Variants in RASGRF1 observed in about 807,000 individuals in gnomAD.
RASGRF1 encodes Ras protein specific guanine nucleotide releasing factor 1.
In RASGRF1, 40 loss-of-function variants were observed where a neutral mutation model predicts 138.7. The ratio of observed to expected loss-of-function variants is 0.29; its 90% CI spans 0.22 to 0.38. The LOEUF (loss-of-function observed/expected upper bound fraction) is 0.38, where lower values mean the gene tolerates loss of function less well. Ranked by LOEUF, RASGRF1 falls within the 10% of genes least tolerant of loss-of-function variation. The pLI is 1.00. For missense variants in RASGRF1, 1,108 were observed against 1,650.4 expected, an observed-to-expected ratio of 0.67 and a Z score of 5.69; for synonymous variants, 614 against 663.2, an observed-to-expected ratio of 0.93 and a Z score of 1.14.
chr15:79,001,249 C>T (rs146685662), intron 16 of RASGRF1, among the ~76,000 whole-genome samples: 5 of 151,270 alleles, frequency 3.3e-5, no homozygotes, highest in African/African-American at 1.2e-4. Context: ...CCTTCTGAAC[C>T]AGGATCTTCC....
At chr15:79,044,420 T>C (rs1461315855) in intron 5 of RASGRF1, among the ~76,000 whole-genome samples, 1 of 152,226 alleles carries the variant, frequency 6.6e-6, no homozygotes, top group African/African-American at 2.4e-5. Flanking sequence ...TGCTGGATCA[T>C]TTGACCTGAT....
At chr15:78,978,885 C>A in intron 24 of RASGRF1, 1 of 1,230,168 alleles carries the variant, frequency 8.1e-7, no homozygotes, top group Non-Finnish European at 1.0e-6. Flanking sequence ...GCCACCTCTG[C>A]CCTGTGCTGC....
chr15:79,062,507 A>G (rs1238698974), intron 2 of RASGRF1, among the ~76,000 whole-genome samples: 1 of 152,174 alleles, frequency 6.6e-6, no homozygotes, highest in Non-Finnish European at 1.5e-5. Flanking sequence ...CCCATAGTCC[A>G]ACCTCATCTA....
At chr15:78,999,671 C>A in intron 17 of RASGRF1, 72 bp downstream of exon 17, 1 of 1,548,968 alleles carries the variant, frequency 6.5e-7, no homozygotes, top group Admixed American at 1.7e-5. Flanking sequence ...GTCCCCGGGA[C>A]CATGGCTGCT....
At chr15:79,029,370 C>T (rs1313607108) in intron 8 of RASGRF1, among the ~76,000 whole-genome samples, 2 of 152,162 alleles carry the variant, frequency 1.3e-5, no homozygotes, top group South Asian at 2.1e-4. Context: ...TGGGGTTTTG[C>T]GGGGGAAGCC....
chr15:79,058,630 G>A, intron 2 of RASGRF1, 149 bp from the exon 3 acceptor site: 2 of 1,098,002 alleles, frequency 1.8e-6, no homozygotes, highest in Non-Finnish European at 2.6e-6. Context: ...GAGAGGGCTT[G>A]GCAGGGTAGA....
In RASGRF1 at chr15:79,050,984, A is replaced by C. The variant is rs576519791; in HGVS notation, c.532-1396T>G. The stretch of plus-strand genomic sequence containing the variant: ...TAGCGCAAGGTTGGGCACTCAACAC[A>C]TTCTTGTTGTCTACACAAATAAGTG... On this transcript the variant is annotated intron_variant, in intron 3 of 26. Coordinates refer to ENST00000558480, the MANE Select transcript of RASGRF1 (RefSeq NM_001145648.3). The surrounding 1 kb of genome is among the most constrained non-coding windows in gnomAD (Gnocchi z 4.1). Among the ~76,000 whole-genome samples, 6 of 152,370 alleles carry C rather than the reference A, an allele frequency of 3.9e-5. No homozygotes were observed. Among genetic ancestry groups the C allele is most frequent in the African/African-American group, 1.4e-4 (6 of 41,594 alleles).
chr15:78,983,808 C>G (rs2056088137), intron 23 of RASGRF1, among the ~76,000 whole-genome samples: 1 of 152,244 alleles, frequency 6.6e-6, no homozygotes, highest in Admixed American at 6.5e-5. Flanking sequence ...TCTGCTCTTT[C>G]CTGGAGCCCA....
At chr15:79,085,805 TTTC>T (rs2057971388) in intron 1 of RASGRF1, among the ~76,000 whole-genome samples, 1 of 152,184 alleles carries the variant, frequency 6.6e-6, no homozygotes, top group African/African-American at 2.4e-5. Context: ...AAGATTAAGT[TTTC>T]TTCTTCTCTG....
At chr15:79,007,538 G>A (rs925027065) in intron 13 of RASGRF1, among the ~76,000 whole-genome samples, 9 of 121,040 alleles carry the variant, frequency 7.4e-5, no homozygotes, top group South Asian at 2.9e-4. Context: ...GCTGATGGCC[G>A]TATCTAGTTT....
intron 1 of RASGRF1, among the ~76,000 whole-genome samples, chr15:79,067,444 AT>A (rs1326620030): frequency 6.6e-6 from 1 of 152,284 alleles, no homozygotes; most frequent in Admixed American, 6.5e-5. Context: ...AGACACATTC[AT>A]TTGTCCAAGG....
At chr15:78,978,215 C>CTTTTTTTTT (rs2055915117) in intron 24 of RASGRF1, among the ~76,000 whole-genome samples, 12 of 79,336 alleles carry the variant, frequency 1.5e-4, no homozygotes, top group African/African-American at 6.1e-4. Flanking sequence ...TTTTTCTTTT[C>CTTTTTTTTT]TTTTGTTTTT....
intron 24 of RASGRF1, among the ~76,000 whole-genome samples, chr15:78,975,968 C>G (rs548519838): frequency 8.5e-5 from 13 of 152,170 alleles, no homozygotes; most frequent in Admixed American, 2.0e-4. Context: ...TGCTCTCCCC[C>G]TTCACCCTGC....
chr15:78,967,241 T>TCAAA (rs1030127222), intron 26 of RASGRF1, among the ~76,000 whole-genome samples: 3 of 151,952 alleles, frequency 2.0e-5, no homozygotes, highest in African/African-American at 4.8e-5. Flanking sequence ...AGACCCTGCC[T>TCAAA]CAAACAAACA....
chr15:79,063,457 G>T (rs1336001226), intron 2 of RASGRF1, among the ~76,000 whole-genome samples: 1 of 152,110 alleles, frequency 6.6e-6, no homozygotes, highest in East Asian at 1.9e-4. Flanking sequence ...CTTTTAACTT[G>T]TCCATGTATC....
At chr15:79,048,272 T>C (rs2057381874) in intron 4 of RASGRF1, among the ~76,000 whole-genome samples, 1 of 152,032 alleles carries the variant, frequency 6.6e-6, no homozygotes, top group African/African-American at 2.4e-5. Flanking sequence ...GTGGGGGATG[T>C]CATAAGGTGG....
Position 78,973,204 on chromosome 15 carries a change from A to T in RASGRF1, c.3612+99T>A. On this transcript the variant is annotated intron_variant, in intron 25 of 26. Coordinates refer to ENST00000558480, the MANE Select transcript of RASGRF1 (RefSeq NM_001145648.3). The surrounding 1 kb of genome is among the most constrained non-coding windows in gnomAD (Gnocchi z 4.9). The stretch of plus-strand genomic sequence containing the variant: ...GCTCCCAAATGGGGGCACCCTATGC[A>T]GCAGGTTGGGCCTTGGGGGGCAGAG... 1.1e-6 allele frequency: 1 copy of T among 937,404 alleles called. No individual in the cohort carries two copies. Among genetic ancestry groups the T allele is most frequent in the Non-Finnish European group, 1.6e-6 (1 of 614,618 alleles). 58.1% of individuals were successfully genotyped at this position (937,404 alleles called of 1,614,324 possible). A position where few individuals can be genotyped will look rare whatever the true frequency, so the allele number is the denominator to read the frequency against.
chr15:79,010,409 A>C (rs1237792740), intron 13 of RASGRF1, among the ~76,000 whole-genome samples: 1 of 152,230 alleles, frequency 6.6e-6, no homozygotes, highest in African/African-American at 2.4e-5. Flanking sequence ...AGTGCATTAA[A>C]GTAGGCAGAC....
rs1281059131 is a variant in RASGRF1, at chr15:79,032,351, C to A, written c.959-35G>T. 1.2e-6 allele frequency: 2 copies of A among 1,603,438 alleles called. No homozygotes were observed. Among genetic ancestry groups the A allele is most frequent in the East Asian group, 2.2e-5 (1 of 44,792 alleles). Reference sequence around the variant, plus strand: ...CGAGGCAGTCAGCGGGTGGCTAGGGCAGCTTGGTGGGGACAGAATCCCCTA... The same window carrying A: ...CGAGGCAGTCAGCGGGTGGCTAGGGAAGCTTGGTGGGGACAGAATCCCCTA... On this transcript the variant is annotated intron_variant, in intron 6 of 26. Coordinates refer to ENST00000558480, the MANE Select transcript of RASGRF1 (RefSeq NM_001145648.3). The surrounding 1 kb of genome is among the most constrained non-coding windows in gnomAD (Gnocchi z 4.5).
Sources: gnomAD v4.1 joint callset for allele counts (sites outside exome capture counted in the v4.1 genomes callset) on GRCh38, gnomAD v4.1.1 for gene constraint, Gnocchi (gnomAD v3.1) non-coding constraint, MANE v1.5 for transcripts, NCBI Gene and HGNC (gene_info 2026-07-23, HGNC 2026-07-21) for gene names.